KLHL32: variants seen among roughly 807,000 people sequenced by gnomAD.
The protein encoded by KLHL32 is kelch like family member 32.
In KLHL32, 35 loss-of-function variants were observed where a neutral mutation model predicts 64.8. The observed-to-expected ratio is 0.54, with a 90% CI of 0.41 to 0.72. The LOEUF (loss-of-function observed/expected upper bound fraction) is 0.72. Ranked by LOEUF, KLHL32 falls within the 30% of genes least tolerant of loss-of-function variation. The pLI is 0.00. For synonymous variants in KLHL32, 259 were observed against 281.0 expected (o/e 0.92, Z 0.78); for missense variants, 589 against 768.5 (o/e 0.77, Z 2.76).
intron 1 of KLHL32, among the ~76,000 whole-genome samples, chr6:96,966,692 A>G (rs890651677): frequency 6.6e-6 from 1 of 152,136 alleles, no homozygotes; most frequent in Admixed American, 6.5e-5. Flanking sequence ...TCCAATCTTA[A>G]TTTCTTTCCT....
chr6:96,939,371 A>G (rs1162051279), intron 1 of KLHL32, among the ~76,000 whole-genome samples: 1 of 152,208 alleles, frequency 6.6e-6, no homozygotes, highest in African/African-American at 2.4e-5. Context: ...ATAGTCAGGA[A>G]CTTGTCATCT....
intron 4 of KLHL32, among the ~76,000 whole-genome samples, chr6:97,053,193 A>G (rs1251206430): frequency 6.6e-6 from 1 of 152,082 alleles, no homozygotes; most frequent in Non-Finnish European, 1.5e-5. Flanking sequence ...GCTTGTATTG[A>G]TGCCTCAGAT....
intron 10 of KLHL32, among the ~76,000 whole-genome samples, chr6:97,136,041 T>C (rs1256620652): frequency 6.6e-6 from 1 of 152,152 alleles, no homozygotes; most frequent in African/African-American, 2.4e-5. Context: ...ATACTAAAAA[T>C]ATAAAGGTTT....
At chr6:96,910,137 C>T in the KLHL32 span, among the ~76,000 whole-genome samples, 3 of 152,180 alleles carry the variant, frequency 2.0e-5, no homozygotes, top group East Asian at 5.8e-4. Context: ...CCATTGACTG[C>T]TCCACTACCT....
Position 97,064,751 on chromosome 6 carries a change from T to A in KLHL32, c.411+25T>A, listed in dbSNP as rs747140579. 4 of 1,549,140 alleles carry A rather than the reference T, an allele frequency of 2.6e-6. No individual in the cohort carries two copies. In the South Asian group the frequency reaches 4.5e-5, roughly 17 times the overall value. On this transcript the variant is annotated intron_variant, in intron 5 of 10. Coordinates refer to ENST00000369261, the MANE Select transcript of KLHL32 (RefSeq NM_052904.4). ...GGTATGTGAGCTTGCATCCTGCTCA[T>A]ACACCCTTCACATTCCTTTCCCCAC... is the stretch of plus-strand genomic sequence containing the variant.
chr6:97,016,052 T>G (rs1781145123), intron 3 of KLHL32, among the ~76,000 whole-genome samples: 1 of 152,190 alleles, frequency 6.6e-6, no homozygotes, highest in Admixed American at 6.5e-5. Flanking sequence ...AATACCTGCA[T>G]GTCCAGGCAG....
intron 4 of KLHL32, among the ~76,000 whole-genome samples, chr6:97,050,934 T>G (rs1283217218): frequency 6.6e-6 from 1 of 152,088 alleles, no homozygotes; most frequent in African/African-American, 2.4e-5. Flanking sequence ...ACTCGGGAAG[T>G]GGAGGCTGCA....
At position 96,926,768 on chromosome 6, in the gene KLHL32, G is replaced by A. The variant is rs553903324; in HGVS notation, c.-66+1742G>A. Among the ~76,000 whole-genome samples the A allele has an allele frequency of 1.1e-3, 160 of 152,300 alleles. 2 individuals are homozygous for A. In the South Asian group the frequency reaches 0.032, roughly 31 times the overall value. On this transcript the variant is annotated intron_variant, in intron 1 of 10. Transcript: ENST00000369261. ...CACTCCACTGTAGCCGATTGTTACT[G>A]TCCAGGCTCTAAAACATGACAGTTT...
chr6:97,111,172 A>C (rs1797082768), intron 6 of KLHL32, among the ~76,000 whole-genome samples: 1 of 152,196 alleles, frequency 6.6e-6, no homozygotes, highest in African/African-American at 2.4e-5. Flanking sequence ...ATGGTGGCTA[A>C]GCCTCCATGA....
chr6:97,135,800 A>G (rs1799942085), intron 10 of KLHL32, among the ~76,000 whole-genome samples: 1 of 152,202 alleles, frequency 6.6e-6, no homozygotes, highest in Non-Finnish European at 1.5e-5. Flanking sequence ...ATGGATGACG[A>G]TAGAACAATT....
intron 1 of KLHL32, among the ~76,000 whole-genome samples, chr6:96,943,639 T>A (rs56402199): frequency 0.023 from 3,451 of 152,332 alleles, 139 homozygotes; most frequent in African/African-American, 0.08. Context: ...CTCCGAGGTC[T>A]TGTCTTTACT....
intron 3 of KLHL32, among the ~76,000 whole-genome samples, chr6:96,985,082 C>T (rs1322272074): frequency 6.6e-6 from 1 of 152,172 alleles, no homozygotes; most frequent in African/African-American, 2.4e-5. Flanking sequence ...GACAAAATCT[C>T]TCAGTATTTG....
chr6:97,022,049 G>T (rs1307707534), intron 3 of KLHL32, among the ~76,000 whole-genome samples: 1 of 150,870 alleles, frequency 6.6e-6, no homozygotes, highest in South Asian at 2.1e-4. Flanking sequence ...TTTGCCTGGA[G>T]TTTTGCAGTA....
At chr6:96,983,501 A>G (rs1315490450) in intron 3 of KLHL32, among the ~76,000 whole-genome samples, 3 of 152,414 alleles carry the variant, frequency 2.0e-5, no homozygotes, top group South Asian at 2.1e-4. Flanking sequence ...CTGTGAATTC[A>G]TCTGGTGCTG....
chr6:97,127,309 A>G, intron 7 of KLHL32, 95 bp from the exon 8 acceptor site: 1 of 969,692 alleles, frequency 1.0e-6, no homozygotes, highest in Non-Finnish European at 1.7e-6. Context: ...GATCCTCAGC[A>G]GTAGCTAATT....
chr6:96,921,726 T>G (rs1277650086), upstream of KLHL32, among the ~76,000 whole-genome samples: 1 of 152,228 alleles, frequency 6.6e-6, no homozygotes, highest in East Asian at 1.9e-4. Flanking sequence ...TCTTTCATGA[T>G]GTAGTTTTAG....
chr6:97,117,565 C>T (rs1269166868), intron 7 of KLHL32, among the ~76,000 whole-genome samples: 1 of 152,154 alleles, frequency 6.6e-6, no homozygotes, highest in Admixed American at 6.5e-5. Context: ...AATCCTGCTG[C>T]GTGTACATAT....
the KLHL32 span, among the ~76,000 whole-genome samples, chr6:96,905,710 T>C: frequency 6.6e-6 from 1 of 152,234 alleles, no homozygotes; most frequent in Admixed American, 6.5e-5. Flanking sequence ...TTCTTTTATA[T>C]AACAAAATAC....
At chr6:97,003,364 A>ATTTG (rs34355781) in intron 3 of KLHL32, among the ~76,000 whole-genome samples, 37,026 of 151,580 alleles carry the variant, frequency 0.24, 5,789 homozygotes, top group East Asian at 0.53. Flanking sequence ...TTGCTTGTTA[A>ATTTG]TTTAAGTTCC....
Sources: allele counts gnomAD v4.1 joint callset (sites outside exome capture counted in the v4.1 genomes callset), GRCh38; gene constraint gnomAD v4.1.1; transcripts MANE v1.5; gene names NCBI Gene and HGNC (gene_info 2026-07-23, HGNC 2026-07-21).